COL18A1: variants seen among roughly 807,000 people sequenced by gnomAD.
The protein encoded by COL18A1 is collagen type XVIII alpha 1 chain, also known as collagen alpha-1(XVIII) chain.
A neutral mutation model predicts 168.0 loss-of-function variants in COL18A1; 133 were observed. That is an observed-to-expected ratio of 0.79 (90% CI 0.69 to 0.91). The LOEUF is 0.91. COL18A1 is among the 40% of genes least tolerant of loss of function. The probability of loss-of-function intolerance (pLI) is 0.00; values close to 1 mark genes in which losing one functional copy is unlikely to be tolerated. For synonymous variants in COL18A1, 949 were observed against 809.0 expected (o/e 1.17, Z -2.94); for missense variants, 2,126 against 1,925.4 (o/e 1.10, Z -1.95).
At position 45,482,156 on chromosome 21, in the gene COL18A1, G is replaced by A. The variant is rs1204058869; in HGVS notation, c.1674+131G>A. 4 of 722,708 alleles carry A rather than the reference G, an allele frequency of 5.5e-6. No individual in the cohort carries two copies. The East Asian group carries it at 8.1e-5, about 15-fold the overall frequency. The allele number at this position is 722,708 out of a possible 1,614,324, so 44.8% of individuals were successfully genotyped here. A position where few individuals can be genotyped will look rare whatever the true frequency, so the allele number is the denominator to read the frequency against. On this transcript the variant is annotated intron_variant, in intron 14 of 41. Transcript: ENST00000651438. ...GCCCCCCATCACAGCCCCACAGCCT[G>A]GGGCCTCGCGCTCTGGAGGTCACCC...
Position 45,504,446 on chromosome 21 carries a change from CAG to C in COL18A1, c.2760_2761del (p.Lys921ArgfsTer165). The C allele has an allele frequency of 6.2e-7, 1 of 1,611,568 alleles. No homozygotes were observed. ...GEKGDRGDAG[Q>X]KGERGEPGGG... ...GAAGGGAGACCGAGGTGATGCAGGA[CAG>C]AAAGGCGAAAGGGGGGAGCCCGGGG... On this transcript the variant is annotated frameshift_variant, in exon 34 of 42. Transcript: ENST00000651438. LOFTEE classifies it high-confidence loss of function.
chr21:45,507,730 G>A (rs2037308134), intron 38 of COL18A1, 137 bp downstream of exon 38: 3 of 823,892 alleles, frequency 3.6e-6, no homozygotes, highest in South Asian at 2.9e-5. Context: ...AGCCCCTGCT[G>A]CAGAAACTGG....
chr21:45,451,314 C>T (rs983820388), intron 2 of COL18A1, among the ~76,000 whole-genome samples: 1 of 152,238 alleles, frequency 6.6e-6, no homozygotes, highest in Non-Finnish European at 1.5e-5. Flanking sequence ...AAACTCCACA[C>T]GCACTGGGAC....
intron 26 of COL18A1, chr21:45,493,880 G>A: frequency 2.2e-6 from 1 of 447,904 alleles, no homozygotes; most frequent in Non-Finnish European, 4.1e-6. Context: ...CCTGTGGGGT[G>A]CAGGAGCCCA....
Position 45,498,360 on chromosome 21 carries a change from C to T in COL18A1, c.2683+699C>T, listed in dbSNP as rs919821283. On this transcript the variant is annotated intron_variant, in intron 32 of 41. Transcript: ENST00000651438. This position sits in a 1 kb window ranked among gnomAD's most constrained non-coding sequence, Gnocchi z 4.5. The stretch of plus-strand genomic sequence containing the variant: ...TCCCCTCTCACCGCCAGGGTTCCCT[C>T]TCGCCACCACGGTCCCCTCTCGCCG... 1.5e-5 allele frequency: 10 copies of T among 648,230 alleles called. No homozygotes were observed. The highest frequency in any genetic ancestry group is 2.8e-5 in the Non-Finnish European group (10 of 350,990). The allele number at this position is 648,230 out of a possible 1,614,324, so 40.2% of individuals were successfully genotyped here.
chr21:45,508,480 T>C (rs1036229470), intron 38 of COL18A1, among the ~76,000 whole-genome samples: 1 of 148,840 alleles, frequency 6.7e-6, no homozygotes, highest in African/African-American at 2.5e-5. Context: ...GGTGGGTGAG[T>C]GGATGGGTGG....
intron 15 of COL18A1, among the ~76,000 whole-genome samples, chr21:45,485,139 C>T (rs1016397504): frequency 1.5e-5 from 2 of 133,990 alleles, no homozygotes; most frequent in South Asian, 2.4e-4. Context: ...TCTGCCACCA[C>T]ACCTGGCTAA....
chr21:45,446,618 T>G (rs1249068526), intron 2 of COL18A1, among the ~76,000 whole-genome samples: 2 of 152,198 alleles, frequency 1.3e-5, no homozygotes, highest in African/African-American at 4.8e-5. Context: ...TTCAAAAGAC[T>G]AGGAGAGTGG....
chr21:45,425,959 G>C lies in COL18A1; in HGVS notation c.106+20486G>C, dbSNP rs2033786013. Among the ~76,000 whole-genome samples, 1 of 152,176 alleles carries C rather than the reference G, an allele frequency of 6.6e-6. No individual in the cohort carries two copies. Among genetic ancestry groups the C allele is most frequent in the African/African-American group, 2.4e-5 (1 of 41,434 alleles). On this transcript the variant is annotated intron_variant, in intron 2 of 41. Transcript: ENST00000651438. The surrounding 1 kb of genome is among the most constrained non-coding windows in gnomAD (Gnocchi z 4.1). ...CTGTTGCTTCTTTCATGTGGGATGAGAACCCAGGAAGGGGCTGAGTGTGAC... is the reference window on the plus strand; with the variant it reads ...CTGTTGCTTCTTTCATGTGGGATGACAACCCAGGAAGGGGCTGAGTGTGAC...
chr21:45,478,173 G>A (rs1014403238), intron 8 of COL18A1, 154 bp from the exon 9 acceptor site: 2 of 971,770 alleles, frequency 2.1e-6, no homozygotes, highest in South Asian at 1.3e-5. Context: ...CCTTGTGGGT[G>A]TGAGGAGGCT....
intron 8 of COL18A1, 126 bp from the exon 9 acceptor site, chr21:45,478,201 G>T: frequency 7.9e-7 from 1 of 1,272,146 alleles, no homozygotes; most frequent in Non-Finnish European, 1.1e-6. Context: ...CGGGTGCGAG[G>T]ACATCGGGGG....
chr21:45,504,678 GC>G, intron 34 of COL18A1, 122 bp downstream of exon 34: 1 of 826,974 alleles, frequency 1.2e-6, no homozygotes, highest in East Asian at 2.7e-5. Context: ...AAGCTCAGCA[GC>G]CCCGACATGT....
intron 2 of COL18A1, chr21:45,455,522 A>G (rs557984883): frequency 1.6e-4 from 256 of 1,612,232 alleles, no homozygotes; most frequent in South Asian, 1.3e-3. Flanking sequence ...CTCCAGCCGC[A>G]CTGCCCCGAT....
At chr21:45,439,627 C>T (rs115522306) in intron 2 of COL18A1, among the ~76,000 whole-genome samples, 7,150 of 152,292 alleles carry the variant, frequency 0.047, 247 homozygotes, top group African/African-American at 0.089. Flanking sequence ...ACGTCCTGGG[C>T]CAAGTCCTGT....
chr21:45,437,602 T>A (rs532064328), intron 2 of COL18A1, among the ~76,000 whole-genome samples: 10 of 17,754 alleles, frequency 5.6e-4, no homozygotes, highest in South Asian at 1.7e-3. Flanking sequence ...ACTCACACAC[T>A]CAGACACACA....
At chr21:45,462,055 T>C (rs540826348) in intron 2 of COL18A1, among the ~76,000 whole-genome samples, 4 of 150,150 alleles carry the variant, frequency 2.7e-5, no homozygotes, top group Non-Finnish European at 5.9e-5. Flanking sequence ...TGGTTAACAG[T>C]TTTTTTTTTC....
intron 30 of COL18A1, 49 bp from the exon 31 acceptor site, chr21:45,497,001 C>T (rs769639033): frequency 2.1e-6 from 3 of 1,421,084 alleles, no homozygotes; most frequent in South Asian, 1.1e-5. Flanking sequence ...GTGGTGGCCT[C>T]CATTTCAGAA....
chr21:45,476,049 C>G (rs1373226830), intron 5 of COL18A1, among the ~76,000 whole-genome samples: 1 of 152,194 alleles, frequency 6.6e-6, no homozygotes, highest in Non-Finnish European at 1.5e-5. Context: ...AACGTGTTCC[C>G]TGCGGGGACC....
At chr21:45,490,228 C>A (rs753879088) in intron 19 of COL18A1, 47 bp from the exon 20 acceptor site, 2 of 1,505,788 alleles carry the variant, frequency 1.3e-6, no homozygotes, top group South Asian at 2.4e-5. Flanking sequence ...TCCCTGCATT[C>A]CTGGGCGTGT....
Sources: allele counts gnomAD v4.1 joint callset (sites outside exome capture counted in the v4.1 genomes callset), GRCh38; gene constraint gnomAD v4.1.1; non-coding constraint Gnocchi (gnomAD v3.1); transcripts MANE v1.5; gene names NCBI Gene and HGNC (gene_info 2026-07-23, HGNC 2026-07-21).